The following PHAX variants were observed in gnomAD, a reference collection of about 807,000 sequenced individuals.
PHAX encodes the protein phosphorylated adapter RNA export protein.
Under a neutral mutation model 41.6 loss-of-function variants are expected in PHAX, and 31 were observed. That is an observed-to-expected ratio of 0.75 (90% CI 0.56 to 1.01). PHAX has a LOEUF of 1.01. Ranked by LOEUF, PHAX falls within the 50% of genes least tolerant of loss-of-function variation. PHAX has a pLI of 0.00. For synonymous variants in PHAX, 175 were observed against 164.9 expected (o/e 1.06, Z -0.47); for missense variants, 453 against 472.9 (o/e 0.96, Z 0.39).
chr5:126,620,620 G>A (rs917702820), intron 4 of PHAX, among the ~76,000 whole-genome samples: 1 of 152,114 alleles, frequency 6.6e-6, no homozygotes, highest in African/African-American at 2.4e-5. Context: ...TTAGGGAAAG[G>A]ATTTTAATAC....
chr5:126,605,381 G>A (rs1290698801), intron 2 of PHAX, among the ~76,000 whole-genome samples: 1 of 151,798 alleles, frequency 6.6e-6, no homozygotes, highest in Non-Finnish European at 1.5e-5. Flanking sequence ...GAATACATTC[G>A]TAATGTATTT....
Position 126,624,712 on chromosome 5 carries a change from A to G in PHAX, c.1053A>G (p.Arg351=), listed in dbSNP as rs1195517229. 3.7e-6 allele frequency: 6 copies of G among 1,614,084 alleles called. No individual in the cohort carries two copies. Among genetic ancestry groups the G allele is most frequent in the South Asian group, 1.1e-5 (1 of 91,086 alleles). ...LNFQEDDDTS[R]ETFASDTNEA... ...TTCAAGAAGATGATGATACATCACGAGAAACTTTTGCAAGTGACACGAATG... is the reference window on the plus strand; with the variant it reads ...TTCAAGAAGATGATGATACATCACGGGAAACTTTTGCAAGTGACACGAATG... Residue 351 remains arginine, a synonymous_variant, in exon 5 of 5, where the codon CGA becomes CGG. Transcript: ENST00000297540.
chr5:126,608,665 G>A (rs949650568), intron 3 of PHAX, among the ~76,000 whole-genome samples, 181 bp downstream of exon 3: 1 of 152,018 alleles, frequency 6.6e-6, no homozygotes, highest in Non-Finnish European at 1.5e-5. Context: ...TGCCAGGCAC[G>A]GTGGCTCAAG....
At chr5:126,614,206 C>G (rs1752149956) in intron 3 of PHAX, among the ~76,000 whole-genome samples, 1 of 152,114 alleles carries the variant, frequency 6.6e-6, no homozygotes, top group East Asian at 1.9e-4. Flanking sequence ...TCAAACAATT[C>G]TCCTGCCCTC....
chr5:126,622,753 ATTC>A (rs1752291559), intron 4 of PHAX, among the ~76,000 whole-genome samples: 2 of 152,194 alleles, frequency 1.3e-5, no homozygotes, highest in Admixed American at 1.3e-4. Flanking sequence ...GCTTCTTCAT[ATTC>A]TTTGAATTAA....
chr5:126,604,126 G>T lies in PHAX; in HGVS notation c.653G>T (p.Arg218Leu), dbSNP rs145915074. ...GNRPEMNYKGRYEITAEDSQE... is the reference protein window; with the variant it reads ...GNRPEMNYKGLYEITAEDSQE... ...AGACCAGAAATGAACTATAAAGGTC[G>T]ATACGAGATCACAGCGGAAGATTCT... is the stretch of plus-strand genomic sequence containing the variant. The change falls in exon 2 of 5, where the codon CGA (arginine) becomes CTA (leucine). Residue 218 changes from arginine (R) to leucine (L), a missense_variant. Physicochemically the swap from Arg to Leu is moderately radical, Grantham distance 102 (BLOSUM62 -2). Transcript: ENST00000297540. The T allele has an allele frequency of 1.3e-6, 2 of 1,588,984 alleles. No homozygotes were observed. The highest frequency in any genetic ancestry group is 1.7e-6 in the Non-Finnish European group (2 of 1,170,332).
Position 126,604,133 on chromosome 5 carries a change from G to A in PHAX, c.660G>A (p.Glu220=). 1.3e-6 allele frequency: 2 copies of A among 1,575,074 alleles called. No individual in the cohort carries two copies. The highest frequency in any genetic ancestry group is 1.7e-6 in the Non-Finnish European group (2 of 1,163,814). The change falls in exon 2 of 5, where the codon GAG becomes GAA. Residue 220 remains glutamate, a synonymous_variant. Transcript: ENST00000297540. The part of the protein sequence containing the change: ...RPEMNYKGRY[E]ITAEDSQEKV... ...AAATGAACTATAAAGGTCGATACGA[G>A]ATCACAGCGGAAGATTCTCAAGAGA...
chr5:126,607,465 C>T (rs1271981870), intron 2 of PHAX, among the ~76,000 whole-genome samples: 1 of 130,346 alleles, frequency 7.7e-6, no homozygotes, highest in Non-Finnish European at 1.5e-5. Flanking sequence ...GTGGTGCCAT[C>T]TTGGCTCACT....
chr5:126,601,525 G>A (rs1751903308), intron 1 of PHAX, among the ~76,000 whole-genome samples: 1 of 152,216 alleles, frequency 6.6e-6, no homozygotes, highest in Non-Finnish European at 1.5e-5. Context: ...AGCCTGTGAT[G>A]CTCATTTTCT....
Position 126,617,282 on chromosome 5 carries a change from T to G in PHAX, c.864T>G (p.Val288=). The part of the protein sequence containing the change: ...NGSRRRTPGG[V]FLNLLKNTPS... The stretch of plus-strand genomic sequence containing the variant: ...GTCGAAGAAGAACACCAGGTGGAGT[T>G]TTTCTGAATCTCTTGAAAAACACTC... The change falls in exon 4 of 5, where the codon GTT becomes GTG. Residue 288 remains valine, a synonymous_variant. Coordinates refer to ENST00000297540, the MANE Select transcript of PHAX (RefSeq NM_032177.4). 1 of 1,612,412 alleles carries G rather than the reference T, an allele frequency of 6.2e-7. No homozygotes were observed. The highest frequency in any genetic ancestry group is 8.5e-7 in the Non-Finnish European group (1 of 1,178,888).
At chr5:126,604,329 T>A in intron 2 of PHAX, 146 bp downstream of exon 2, 1 of 768,236 alleles carries the variant, frequency 1.3e-6, no homozygotes, top group Non-Finnish European at 1.9e-6. Context: ...CAGGCTGGAG[T>A]GCAGTTACTC....
chr5:126,609,094 A>ATTTTTTTTTT (rs1752037526), intron 3 of PHAX, among the ~76,000 whole-genome samples: 1 of 115,390 alleles, frequency 8.7e-6, no homozygotes, highest in African/African-American at 4.3e-5. Flanking sequence ...GTAGGGGTTG[A>ATTTTTTTTTT]ATTTTTTTTT....
chr5:126,606,706 C>T (rs1324061383), intron 2 of PHAX, among the ~76,000 whole-genome samples: 1 of 152,016 alleles, frequency 6.6e-6, no homozygotes. Flanking sequence ...GGATGGAGTG[C>T]AGTGGCATGA....
chr5:126,624,895 TAAAC>T lies in PHAX; in HGVS notation c.*52_*55del, dbSNP rs1382045648. 1.3e-6 allele frequency: 2 copies of T among 1,510,518 alleles called. No individual in the cohort carries two copies. Among genetic ancestry groups the T allele is most frequent in the South Asian group, 2.6e-5 (2 of 77,840 alleles). 93.6% of individuals were successfully genotyped at this position (1,510,518 alleles called of 1,614,324 possible). On this transcript the variant is annotated 3_prime_UTR_variant, in exon 5 of 5. Coordinates refer to ENST00000297540, the MANE Select transcript of PHAX (RefSeq NM_032177.4). Reference sequence around the variant, plus strand: ...AAGCCTTTCTAAAATAACATTGTAATAAACCATTTTTACTGAGATTGCAACGTTT... The same window carrying T: ...AAGCCTTTCTAAAATAACATTGTAATCATTTTTACTGAGATTGCAACGTTT...
intron 3 of PHAX, among the ~76,000 whole-genome samples, chr5:126,612,616 G>A (rs888459876): frequency 2.0e-5 from 3 of 152,022 alleles, no homozygotes; most frequent in South Asian, 2.1e-4. Context: ...CAGGAGAATC[G>A]TTTGAACCCG....
intron 4 of PHAX, among the ~76,000 whole-genome samples, chr5:126,623,301 A>C (rs889158181): frequency 2.0e-5 from 3 of 152,162 alleles, no homozygotes; most frequent in Non-Finnish European, 4.4e-5. Flanking sequence ...AAACTTTTAA[A>C]AAGGAGAATA....
intron 1 of PHAX, 43 bp downstream of exon 1, chr5:126,601,101 GA>G (rs1191763439): frequency 1.4e-6 from 2 of 1,441,702 alleles, no homozygotes; most frequent in African/African-American, 1.4e-5. Context: ...TGGGCGCGCG[GA>G]GCCTGGGCCC....
At position 126,608,390 on chromosome 5, in the gene PHAX, T is replaced by C. The variant is rs1437561971; in HGVS notation, c.737T>C (p.Ile246Thr). Residue 246 changes from isoleucine (I) to threonine (T), a missense_variant, in exon 3 of 5, where the codon ATA (isoleucine) becomes ACA (threonine). Coordinates refer to ENST00000297540, the MANE Select transcript of PHAX (RefSeq NM_032177.4). ...TTACAGGAACCAAAGAAAGACCTGA[T>C]AGCCCGAGTAGTGAGGATTATTGGT... ...FRLQEPKKDL[I>T]ARVVRIIGNK... The C allele has an allele frequency of 1.2e-6, 2 of 1,613,462 alleles. No homozygotes were observed. Among genetic ancestry groups the C allele is most frequent in the Non-Finnish European group, 1.7e-6 (2 of 1,179,548 alleles).
At chr5:126,601,159 G>T in intron 1 of PHAX, 101 bp downstream of exon 1, 3 of 808,716 alleles carry the variant, frequency 3.7e-6, no homozygotes, top group Non-Finnish European at 6.0e-6. Context: ...GGAGCTAGGA[G>T]CCCGGGCCAG....
Sources: gnomAD v4.1 joint callset for allele counts (sites outside exome capture counted in the v4.1 genomes callset) on GRCh38, gnomAD v4.1.1 for gene constraint, MANE v1.5 for transcripts, NCBI Gene and HGNC (gene_info 2026-07-23, HGNC 2026-07-21) for gene names.